The following TOGARAM1 variants were observed in gnomAD, a reference collection of about 807,000 sequenced individuals.
TOGARAM1 encodes TOG array regulator of axonemal microtubules 1, also known as TOG array regulator of axonemal microtubules protein 1.
A neutral mutation model predicts 166.6 loss-of-function variants in TOGARAM1; 100 were observed. The observed-to-expected ratio is 0.60, with a 90% confidence interval of 0.51 to 0.71. The LOEUF is 0.71. Among genes scored for constraint, TOGARAM1 ranks in the 30% least tolerant of loss-of-function variants. The pLI is 0.00. For missense variants in TOGARAM1, 2,029 were observed against 2,102.7 expected, an observed-to-expected ratio of 0.96 and a Z score of 0.69; for synonymous variants, 758 against 763.8, an observed-to-expected ratio of 0.99 and a Z score of 0.13.
chr14:44,993,976 T>C (rs547059336), intron 1 of TOGARAM1, among the ~76,000 whole-genome samples: 1 of 152,384 alleles, frequency 6.6e-6, no homozygotes, highest in East Asian at 1.9e-4. Context: ...TTTTAATATA[T>C]CTAATCAGAA....
chr14:45,035,773 A>G (rs991028100), intron 11 of TOGARAM1, among the ~76,000 whole-genome samples: 1 of 152,064 alleles, frequency 6.6e-6, no homozygotes, highest in African/African-American at 2.4e-5. Context: ...GGAAAAACAA[A>G]CTGTCAATCT....
rs573358141 is a variant in TOGARAM1, at chr14:45,058,201, T to C, written c.4559+3652T>C. Reference sequence around the variant, plus strand: ...TCCCTTATCATTATCATCCCTTCTTTGTCTTTTTTTTTACTGTTTTTGATT... The same window carrying C: ...TCCCTTATCATTATCATCCCTTCTTCGTCTTTTTTTTTACTGTTTTTGATT... On this transcript the variant is annotated intron_variant, in intron 16 of 19. Transcript: ENST00000361462. Among the ~76,000 whole-genome samples, 3 of 152,296 alleles carry C rather than the reference T, an allele frequency of 2.0e-5. No individual in the cohort carries two copies. The South Asian group carries it at 6.2e-4, about 32-fold the overall frequency.
chr14:45,025,707 T>C (rs1413429035), intron 7 of TOGARAM1, 76 bp from the exon 8 acceptor site: 2 of 771,862 alleles, frequency 2.6e-6, no homozygotes, highest in East Asian at 2.6e-5. Flanking sequence ...TAAAAGACTA[T>C]GTTACAATAT....
At chr14:45,045,543 G>GTGTGTGTGTATATATATA (rs1457434775) in intron 13 of TOGARAM1, among the ~76,000 whole-genome samples, 1 of 38,922 alleles carries the variant, frequency 2.6e-5, no homozygotes, top group African/African-American at 9.2e-5. Context: ...GTCTGTGTGT[G>GTGTGTGTGTATATATATA]TATATATATA....
Position 44,962,458 on chromosome 14 carries a change from C to A in TOGARAM1, c.37C>A (p.Pro13Thr), listed in dbSNP as rs1325567069. 1.9e-6 allele frequency: 3 copies of A among 1,587,900 alleles called. No individual in the cohort carries two copies. The highest frequency in any genetic ancestry group is 2.6e-6 in the Non-Finnish European group (3 of 1,167,414). Residue 13 changes from proline to threonine, a missense_variant, in exon 1 of 20, where the codon CCC becomes ACC. Pro to Thr is a conservative substitution (Grantham distance 38, BLOSUM62 -1). Around this residue, in one of 2 missense-constraint regions of TOGARAM1, gnomAD observed 1,453 missense variants for 1,432.2 expected, o/e 1.01. Transcript: ENST00000361462. ...CCCCTCCGCGCTGCTTCTGCTGCCG[C>A]CCTTTCCAGTCCTCTCTACCTATCG... ...AAPSALLLLP[P>T]FPVLSTYRLQ...
At chr14:45,017,362 G>A (rs541763950) in intron 7 of TOGARAM1, among the ~76,000 whole-genome samples, 4 of 151,814 alleles carry the variant, frequency 2.6e-5, no homozygotes, top group Middle Eastern at 6.8e-3. Flanking sequence ...GGGAATTTCT[G>A]CTGACTTCTG....
At chr14:45,038,768 T>C (rs1029048993) in intron 11 of TOGARAM1, among the ~76,000 whole-genome samples, 1 of 152,194 alleles carries the variant, frequency 6.6e-6, no homozygotes, top group African/African-American at 2.4e-5. Flanking sequence ...GGAGATTTCA[T>C]CCATGTTTGT....
chr14:45,063,659 T>C (rs1055400732), intron 16 of TOGARAM1, among the ~76,000 whole-genome samples: 1 of 151,950 alleles, frequency 6.6e-6, no homozygotes, highest in African/African-American at 2.4e-5. Flanking sequence ...TTTGTATTTT[T>C]AGTAGAGACA....
intron 1 of TOGARAM1, among the ~76,000 whole-genome samples, chr14:44,970,633 A>G (rs1885832783): frequency 6.6e-6 from 1 of 152,140 alleles, no homozygotes; most frequent in African/African-American, 2.4e-5. Flanking sequence ...TTAGTGGGAA[A>G]GTTTTGAGTT....
chr14:45,026,051 T>C (rs73348075), intron 8 of TOGARAM1, among the ~76,000 whole-genome samples, 179 bp downstream of exon 8: 7,913 of 152,268 alleles, frequency 0.052, 266 homozygotes, highest in East Asian at 0.12. Flanking sequence ...CATTTCTATC[T>C]TCTAATGAAA....
intron 16 of TOGARAM1, among the ~76,000 whole-genome samples, chr14:45,058,575 G>A (rs1210093510): frequency 6.6e-6 from 1 of 152,150 alleles, no homozygotes; most frequent in Non-Finnish European, 1.5e-5. Flanking sequence ...TTACAGGCGT[G>A]AGCCACCATG....
At chr14:45,072,810 ATTAT>A (rs1883441319) in intron 19 of TOGARAM1, among the ~76,000 whole-genome samples, 1 of 152,140 alleles carries the variant, frequency 6.6e-6, no homozygotes, top group Non-Finnish European at 1.5e-5. Context: ...AGCAAAATTT[ATTAT>A]TTCATTAGTA....
chr14:44,995,116 A>G (rs1887351354), intron 1 of TOGARAM1, among the ~76,000 whole-genome samples: 1 of 152,208 alleles, frequency 6.6e-6, no homozygotes, highest in South Asian at 2.1e-4. Context: ...TGCAACTTCA[A>G]AATTGTATCC....
rs1295901704 is a variant in TOGARAM1, at chr14:45,055,925, A to G, written c.4559+1376A>G. ...TTTTTCTAAGTCTGTGATAAATGAT[A>G]TTGGTATTTTGATAGGGATTGCATT... is the stretch of plus-strand genomic sequence containing the variant. On this transcript the variant is annotated intron_variant, in intron 16 of 19. Coordinates refer to ENST00000361462, the MANE Select transcript of TOGARAM1 (RefSeq NM_001308120.2). 2.1e-5 allele frequency among the ~76,000 whole-genome samples: 3 copies of G among 142,058 alleles called. No individual in the cohort carries two copies. In the East Asian group the frequency reaches 6.4e-4, roughly 30 times the overall value. The allele number at this position is 142,058 out of a possible 152,430, so 93.2% of individuals were successfully genotyped here. A position where few individuals can be genotyped will look rare whatever the true frequency, so the allele number is the denominator to read the frequency against.
chr14:45,012,539 T>G (rs904345165), intron 7 of TOGARAM1, among the ~76,000 whole-genome samples: 6 of 152,240 alleles, frequency 3.9e-5, no homozygotes, highest in Non-Finnish European at 7.3e-5. Context: ...CTGTAAGTCT[T>G]TAGTTTTATA....
At chr14:45,004,510 G>A (rs910506446) in intron 4 of TOGARAM1, 144 bp downstream of exon 4, 1 of 642,020 alleles carries the variant, frequency 1.6e-6, no homozygotes, top group South Asian at 2.3e-5. Context: ...ATATTTAATA[G>A]TGTGTTAAAT....
intron 3 of TOGARAM1, 96 bp downstream of exon 3, chr14:44,999,593 A>C: frequency 1.1e-6 from 1 of 947,450 alleles, no homozygotes; most frequent in Non-Finnish European, 1.5e-6. Flanking sequence ...ACTCATACTC[A>C]TCACAAAAAA....
intron 1 of TOGARAM1, among the ~76,000 whole-genome samples, chr14:44,990,700 C>T (rs887293067): frequency 2.0e-5 from 3 of 152,082 alleles, no homozygotes; most frequent in African/African-American, 4.8e-5. Flanking sequence ...GCTAAATAGT[C>T]TGTATTTTGT....
rs1029490075 is a variant in TOGARAM1, at chr14:45,025,728, T to C, written c.3239-55T>C. 8.2e-6 allele frequency: 8 copies of C among 973,262 alleles called. No individual in the cohort carries two copies. The Admixed American group carries it at 1.1e-4, about 14-fold the overall frequency. The allele number at this position is 973,262 out of a possible 1,614,324, so 60.3% of individuals were successfully genotyped here. On this transcript the variant is annotated intron_variant, in intron 7 of 19. Transcript: ENST00000361462. Reference sequence around the variant, plus strand: ...ACTATGTTACAATATCCTAAGATACTACATAATAAGCAAATATGTTTAAGT... The same window carrying C: ...ACTATGTTACAATATCCTAAGATACCACATAATAAGCAAATATGTTTAAGT...
Sources: gnomAD v4.1 joint callset for allele counts (sites outside exome capture counted in the v4.1 genomes callset) on GRCh38, gnomAD v4.1.1 for gene constraint, gnomAD v4.1.1 regional missense constraint, MANE v1.5 for transcripts, NCBI Gene and HGNC (gene_info 2026-07-23, HGNC 2026-07-21) for gene names.